Variants in ZMYM4 observed in about 807,000 individuals in gnomAD.
ZMYM4 encodes the protein zinc finger MYM-type containing 4.
A neutral mutation model predicts 183.2 loss-of-function variants in ZMYM4; 31 were observed. The ratio of observed to expected loss-of-function variants is 0.17; its 90% CI spans 0.13 to 0.23. The LOEUF is 0.23. ZMYM4 is among the 10% of genes least tolerant of loss of function. ZMYM4 has a pLI of 1.00. For missense variants in ZMYM4, 1,273 were observed against 1,840.3 expected (o/e 0.69, Z 5.64); for synonymous variants, 592 against 631.2 (o/e 0.94, Z 0.93).
intron 1 of ZMYM4, among the ~76,000 whole-genome samples, chr1:35,319,041 C>A (rs916324903): frequency 4.6e-5 from 7 of 152,020 alleles, no homozygotes; most frequent in Non-Finnish European, 1.0e-4. Context: ...CCATGATGGC[C>A]AGCTAATTTT....
chr1:35,337,209 G>A (rs560107628), intron 2 of ZMYM4, among the ~76,000 whole-genome samples: 31 of 151,980 alleles, frequency 2.0e-4, no homozygotes, highest in Admixed American at 6.6e-4. Context: ...AAAAAAATAC[G>A]AAATTAGCTG....
intron 1 of ZMYM4, among the ~76,000 whole-genome samples, chr1:35,309,990 C>T (rs544713445): frequency 2.0e-5 from 3 of 146,602 alleles, no homozygotes; most frequent in Non-Finnish European, 3.0e-5. Flanking sequence ...AGTGCAATGG[C>T]GCGATCTCGG....
intron 11 of ZMYM4, 49 bp from the exon 12 acceptor site, chr1:35,386,951 CTTT>C (rs1644591630): frequency 6.4e-7 from 1 of 1,559,538 alleles, no homozygotes; most frequent in African/African-American, 1.4e-5. Context: ...CACAATACTT[CTTT>C]GTTTTAACAA....
chr1:35,395,373 A>ATC (rs534489777), intron 18 of ZMYM4, among the ~76,000 whole-genome samples: 11,189 of 151,784 alleles, frequency 0.074, 1,068 homozygotes, highest in African/African-American at 0.22. Context: ...AGGCGGGAGG[A>ATC]TCACTTGAGC....
At chr1:35,320,280 C>T (rs1642227382) in intron 1 of ZMYM4, among the ~76,000 whole-genome samples, 1 of 152,186 alleles carries the variant, frequency 6.6e-6, no homozygotes, top group Non-Finnish European at 1.5e-5. Context: ...ATGATTTACT[C>T]AATCATGGCT....
At chr1:35,417,153 C>T (rs938012339) in intron 28 of ZMYM4, among the ~76,000 whole-genome samples, 4 of 151,184 alleles carry the variant, frequency 2.6e-5, no homozygotes, top group African/African-American at 7.3e-5. Context: ...GGGAGGATTG[C>T]TTGACCCCAG....
chr1:35,382,211 CACGTATATAT>C (rs1375666895), intron 9 of ZMYM4, among the ~76,000 whole-genome samples: 2 of 139,908 alleles, frequency 1.4e-5, no homozygotes, highest in African/African-American at 5.7e-5. Flanking sequence ...CACACACACA[CACGTATATAT>C]ACGTATATAT....
intron 2 of ZMYM4, among the ~76,000 whole-genome samples, chr1:35,333,026 G>T (rs1209283080): frequency 6.6e-6 from 1 of 152,124 alleles, no homozygotes; most frequent in African/African-American, 2.4e-5. Context: ...ATAGGAGGAG[G>T]GAGGGTGAAG....
chr1:35,271,360 G>GAAA lies in ZMYM4; in HGVS notation c.39+2286_39+2288dup, dbSNP rs200166984. On this transcript the variant is annotated intron_variant, in intron 1 of 29. Coordinates refer to ENST00000314607, the MANE Select transcript of ZMYM4 (RefSeq NM_005095.3). Reference sequence around the variant, plus strand: ...TGAATCTTCTGCTAAAGGAATGCTGGAAAAAAAAAAAAAGATACCATACTG... The same window carrying GAAA: ...TGAATCTTCTGCTAAAGGAATGCTGGAAAAAAAAAAAAAAAAGATACCATACTG... Among the ~76,000 whole-genome samples, 184 of 142,860 alleles carry GAAA rather than the reference G, an allele frequency of 1.3e-3. 1 individual carries two copies. The highest frequency in any genetic ancestry group is 0.011 in the Admixed American group (153 of 14,494). 93.7% of individuals were successfully genotyped at this position (142,860 alleles called of 152,430 possible).
At chr1:35,392,740 C>T (rs1644733464) in intron 17 of ZMYM4, 56 bp downstream of exon 17, 1 of 1,398,986 alleles carries the variant, frequency 7.1e-7, no homozygotes, top group Non-Finnish European at 9.9e-7. Flanking sequence ...CATTTTCATA[C>T]AGTATAAATA....
intron 1 of ZMYM4, among the ~76,000 whole-genome samples, chr1:35,294,503 T>C (rs757780159): frequency 5.3e-5 from 8 of 152,146 alleles, no homozygotes; most frequent in Non-Finnish European, 1.0e-4. Context: ...TAGGGGAATA[T>C]AGAACCTTGT....
At chr1:35,290,690 A>G (rs1360861846) in intron 1 of ZMYM4, among the ~76,000 whole-genome samples, 1 of 151,954 alleles carries the variant, frequency 6.6e-6, no homozygotes, top group Non-Finnish European at 1.5e-5. Context: ...TTGGCCTTCC[A>G]AAGTGTGTTG....
intron 1 of ZMYM4, among the ~76,000 whole-genome samples, chr1:35,317,022 T>A (rs1457469213): frequency 6.6e-6 from 1 of 151,122 alleles, no homozygotes; most frequent in Non-Finnish European, 1.5e-5. Context: ...CTTGGGAGGC[T>A]GAGGCAGGAG....
chr1:35,357,578 T>A (rs1643864133), intron 2 of ZMYM4, among the ~76,000 whole-genome samples: 1 of 152,096 alleles, frequency 6.6e-6, no homozygotes, highest in African/African-American at 2.4e-5. Flanking sequence ...GTGGAAAAGA[T>A]GGATTTGAGA....
chr1:35,367,353 T>G (rs962684656), intron 5 of ZMYM4, among the ~76,000 whole-genome samples: 3 of 151,790 alleles, frequency 2.0e-5, no homozygotes, highest in Non-Finnish European at 2.9e-5. Flanking sequence ...CTCAGCCTCC[T>G]GAGTAGCTGG....
At chr1:35,312,677 C>CTTCTTTCTT (rs1482807310) in intron 1 of ZMYM4, among the ~76,000 whole-genome samples, 2 of 146,208 alleles carry the variant, frequency 1.4e-5, no homozygotes, top group African/African-American at 5.1e-5. Flanking sequence ...TCTTCTTTCC[C>CTTCTTTCTT]TTCTTTCTTT....
At chr1:35,314,776 G>A (rs139324521) in intron 1 of ZMYM4, among the ~76,000 whole-genome samples, 2,035 of 134,884 alleles carry the variant, frequency 0.015, 55 homozygotes, top group African/African-American at 0.052. Flanking sequence ...CCTAATCCTA[G>A]CACTTTGGGA....
chr1:35,305,631 A>T (rs1040377603), intron 1 of ZMYM4, among the ~76,000 whole-genome samples: 3 of 150,988 alleles, frequency 2.0e-5, no homozygotes, highest in Non-Finnish European at 4.4e-5. Flanking sequence ...GCCGCCTCGA[A>T]CTCCTGGGCT....
chr1:35,399,146 C>A, intron 22 of ZMYM4, 103 bp downstream of exon 22: 1 of 1,185,186 alleles, frequency 8.4e-7, no homozygotes, highest in Non-Finnish European at 1.2e-6. Flanking sequence ...TTGATAATAA[C>A]AGTGTAATGT....
Sources: gnomAD v4.1 joint callset for allele counts (sites outside exome capture counted in the v4.1 genomes callset) on GRCh38, gnomAD v4.1.1 for gene constraint, MANE v1.5 for transcripts, NCBI Gene and HGNC (gene_info 2026-07-23, HGNC 2026-07-21) for gene names.